PDE1A: variants seen among roughly 807,000 people sequenced by gnomAD.
PDE1A encodes dual specificity calcium/calmodulin-dependent 3',5'-cyclic nucleotide phosphodiesterase 1A.
In PDE1A, 35 loss-of-function variants were observed where a neutral mutation model predicts 61.7. The ratio of observed to expected loss-of-function variants is 0.57; its 90% CI spans 0.43 to 0.75. PDE1A has a LOEUF of 0.75. PDE1A is among the 30% of genes least tolerant of loss of function. The pLI is 0.00. For missense variants in PDE1A, 597 were observed against 630.6 expected (o/e 0.95, Z 0.57); for synonymous variants, 232 against 213.2 (o/e 1.09, Z -0.77).
the PDE1A span, among the ~76,000 whole-genome samples, chr2:182,553,297 C>T: frequency 1.8e-4 from 27 of 152,152 alleles, no homozygotes; most frequent in Non-Finnish European, 3.5e-4. Flanking sequence ...GAGCAAGGAC[C>T]CCCCAGTAAC....
At chr2:182,705,052 T>G in the PDE1A span, among the ~76,000 whole-genome samples, 1 of 152,210 alleles carries the variant, frequency 6.6e-6, no homozygotes, top group Non-Finnish European at 1.5e-5. Context: ...TTCTCTTACT[T>G]CTGCAACTGT....
intron 1 of PDE1A, among the ~76,000 whole-genome samples, chr2:182,416,797 T>A (rs1702945120): frequency 6.6e-6 from 1 of 152,210 alleles, no homozygotes; most frequent in South Asian, 2.1e-4. Flanking sequence ...ATAGACTGTT[T>A]AGGAAAATAT....
chr2:182,443,520 T>C (rs373394947), intron 2 of PDE1A, among the ~76,000 whole-genome samples: 1 of 151,800 alleles, frequency 6.6e-6, no homozygotes, highest in East Asian at 2.0e-4. Context: ...TATATGATGG[T>C]TTGAAAGTGT....
chr2:182,445,153 C>T (rs1262088969), intron 2 of PDE1A, among the ~76,000 whole-genome samples: 1 of 152,040 alleles, frequency 6.6e-6, no homozygotes, highest in Non-Finnish European at 1.5e-5. Flanking sequence ...ACGCCTTATG[C>T]AGGCAAAAAG....
the PDE1A span, among the ~76,000 whole-genome samples, chr2:182,700,156 C>T: frequency 6.6e-6 from 1 of 152,108 alleles, no homozygotes; most frequent in African/African-American, 2.4e-5. Flanking sequence ...GTCACATTTC[C>T]CAAGAATAAA....
chr2:182,356,892 G>A (rs1436069054), intron 1 of PDE1A, among the ~76,000 whole-genome samples: 3 of 152,122 alleles, frequency 2.0e-5, no homozygotes, highest in Non-Finnish European at 4.4e-5. Flanking sequence ...GGACATGGAT[G>A]AAGCTGGAAG....
the PDE1A span, among the ~76,000 whole-genome samples, chr2:182,564,797 C>T: frequency 9.9e-5 from 15 of 152,106 alleles, no homozygotes; most frequent in African/African-American, 2.7e-4. Context: ...CTTCATTTCA[C>T]TCATTTCATA....
At chr2:182,410,064 T>C (rs1702523503) in intron 1 of PDE1A, among the ~76,000 whole-genome samples, 1 of 152,142 alleles carries the variant, frequency 6.6e-6, no homozygotes, top group Admixed American at 6.5e-5. Flanking sequence ...TTAAAATGCA[T>C]CCACAGGCCA....
the PDE1A span, among the ~76,000 whole-genome samples, chr2:182,548,361 G>C: frequency 1.3e-5 from 2 of 152,230 alleles, no homozygotes; most frequent in Non-Finnish European, 2.9e-5. Flanking sequence ...TTTTAAAATA[G>C]GATCAGTGAC....
intron 1 of PDE1A, among the ~76,000 whole-genome samples, chr2:182,266,106 A>G (rs1030729474): frequency 6.6e-6 from 1 of 152,218 alleles, no homozygotes; most frequent in African/African-American, 2.4e-5. Context: ...AGGAAGCTGT[A>G]AACAATTACT....
At chr2:182,160,799 G>T (rs1169041333) in intron 13 of PDE1A, among the ~76,000 whole-genome samples, 11 of 152,034 alleles carry the variant, frequency 7.2e-5, no homozygotes, top group Admixed American at 7.2e-4. Flanking sequence ...ATATTCTATT[G>T]GTTCTGTCCC....
chr2:182,359,799 C>T (rs1699396445), intron 1 of PDE1A, among the ~76,000 whole-genome samples: 1 of 152,086 alleles, frequency 6.6e-6, no homozygotes, highest in African/African-American at 2.4e-5. Context: ...ATAAACCTTC[C>T]TGTCTGAGGA....
At chr2:182,150,923 C>T (rs1690743300) in intron 13 of PDE1A, among the ~76,000 whole-genome samples, 1 of 152,168 alleles carries the variant, frequency 6.6e-6, no homozygotes, top group Non-Finnish European at 1.5e-5. Context: ...TTTTGTCCTC[C>T]AGTCAGGGTC....
Position 182,149,531 on chromosome 2 carries a change from C to T in PDE1A, c.1517-2379G>A, listed in dbSNP as rs149711540. Among the ~76,000 whole-genome samples the T allele has an allele frequency of 7.6e-3, 1,150 of 152,272 alleles. 5 individuals are homozygous for T. The highest frequency in any genetic ancestry group is 0.013 in the Non-Finnish European group (862 of 68,008). On this transcript the variant is annotated intron_variant, in intron 13 of 13. Transcript: ENST00000409365. ...TTCCAGCTCTTTTCAGGAGTAGACA[C>T]GCAATTGCCAAGGAATTTCATGACA...
intron 1 of PDE1A, chr2:182,522,413 T>A: frequency 6.2e-7 from 1 of 1,612,286 alleles, no homozygotes; most frequent in Non-Finnish European, 8.5e-7. Flanking sequence ...ACAGTCAGTT[T>A]CAGCAGCTAG....
intron 1 of PDE1A, among the ~76,000 whole-genome samples, chr2:182,382,422 C>A (rs1249220999): frequency 1.3e-5 from 2 of 152,218 alleles, no homozygotes; most frequent in African/African-American, 2.4e-5. Flanking sequence ...TTCACTCTCA[C>A]AGCTATGAAA....
the PDE1A span, among the ~76,000 whole-genome samples, chr2:182,557,608 A>G: frequency 6.6e-6 from 1 of 152,146 alleles, no homozygotes; most frequent in African/African-American, 2.4e-5. Flanking sequence ...GCTACTTGGG[A>G]GGCTGAGGTG....
chr2:182,564,451 T>A, the PDE1A span, among the ~76,000 whole-genome samples: 6 of 152,062 alleles, frequency 3.9e-5, no homozygotes, highest in South Asian at 4.2e-4. Flanking sequence ...CTTCCCTTTG[T>A]GGGTAACCCG....
rs190163250 is a variant in PDE1A at position 182,491,231 on chromosome 2, C to T, written c.101+31045G>A. Among the ~76,000 whole-genome samples the T allele has an allele frequency of 3.9e-5, 6 of 152,182 alleles. No homozygotes were observed. In the South Asian group the frequency reaches 6.2e-4, roughly 16 times the overall value. On this transcript the variant is annotated intron_variant, in intron 2 of 14. Transcript: ENST00000410103. Reference sequence around the variant, plus strand: ...GTATAATAGTGTGTTTTTCTCCAACCGCAATCAGCTACATGAATGCAAGCA... The same window carrying T: ...GTATAATAGTGTGTTTTTCTCCAACTGCAATCAGCTACATGAATGCAAGCA...
Sources: allele counts gnomAD v4.1 joint callset (sites outside exome capture counted in the v4.1 genomes callset), GRCh38; gene constraint gnomAD v4.1.1; transcripts MANE v1.5; gene names NCBI Gene and HGNC (gene_info 2026-07-23, HGNC 2026-07-21).